Variants in SMOC2 observed in about 807,000 individuals in gnomAD.
SMOC2 encodes SPARC related modular calcium binding 2, also known as SPARC-related modular calcium-binding protein 2.
SMOC2 carries 39 observed loss-of-function variants against 61.4 expected under a neutral mutation model. The ratio of observed to expected loss-of-function variants is 0.64; its 90% CI spans 0.49 to 0.83. SMOC2 has a LOEUF of 0.83. SMOC2 is among the 40% of genes least tolerant of loss of function. SMOC2 has a pLI of 0.00. For missense variants in SMOC2, 556 were observed against 592.9 expected (o/e 0.94, Z 0.65); for synonymous variants, 247 against 239.9 (o/e 1.03, Z -0.27).
intron 1 of SMOC2, among the ~76,000 whole-genome samples, chr6:168,500,631 C>G (rs1013345899): frequency 2.0e-5 from 3 of 152,166 alleles, no homozygotes; most frequent in Non-Finnish European, 4.4e-5. Context: ...GAAGACAACA[C>G]TCTTCACTGA....
At chr6:168,484,691 C>G (rs1782288974) in intron 1 of SMOC2, among the ~76,000 whole-genome samples, 1 of 152,124 alleles carries the variant, frequency 6.6e-6, no homozygotes, top group Non-Finnish European at 1.5e-5. Context: ...GGAAGTAACC[C>G]AAGAGGCCAC....
rs549069122 is a variant in SMOC2, at chr6:168,467,940, T to G, written c.84+26486T>G. Among the ~76,000 whole-genome samples, 14 of 152,364 alleles carry G rather than the reference T, an allele frequency of 9.2e-5. 1 individual carries two copies. In the South Asian group the frequency reaches 1.2e-3, roughly 14 times the overall value. On this transcript the variant is annotated intron_variant, in intron 1 of 12. Coordinates refer to ENST00000356284, the MANE Select transcript of SMOC2 (RefSeq NM_001166412.2). The stretch of plus-strand genomic sequence containing the variant: ...GGATTTACAATATATGTACATATTG[T>G]ATAGTTTTGTATACTATAAAACTGT...
chr6:168,565,698 T>C (rs566571979), intron 7 of SMOC2, among the ~76,000 whole-genome samples: 1 of 152,332 alleles, frequency 6.6e-6, no homozygotes, highest in South Asian at 2.1e-4. Context: ...AGGCTCAGCA[T>C]GGAGCTGAAA....
intron 11 of SMOC2, among the ~76,000 whole-genome samples, chr6:168,661,153 A>T (rs1217074388): frequency 6.6e-6 from 1 of 151,934 alleles, no homozygotes. Context: ...ATTATCAGTT[A>T]TATGTTTTGT....
At chr6:168,494,622 G>C (rs937232381) in intron 1 of SMOC2, among the ~76,000 whole-genome samples, 1 of 152,214 alleles carries the variant, frequency 6.6e-6, no homozygotes, top group African/African-American at 2.4e-5. Flanking sequence ...TTTGACTTAC[G>C]CTGCTTAGAG....
intron 2 of SMOC2, among the ~76,000 whole-genome samples, chr6:168,518,439 C>A (rs929422503): frequency 1.4e-4 from 20 of 147,454 alleles, no homozygotes; most frequent in African/African-American, 5.0e-4. Flanking sequence ...GCATGTGTGA[C>A]TGTGAATGTG....
chr6:168,513,502 CAT>C (rs1554285953), intron 2 of SMOC2, among the ~76,000 whole-genome samples: 5 of 151,410 alleles, frequency 3.3e-5, no homozygotes, highest in African/African-American at 4.9e-5. Context: ...CACACACACA[CAT>C]AGACACTCAC....
In SMOC2 at chr6:168,587,194, T is replaced by G. The variant is rs1023268492; in HGVS notation, c.638-11624T>G. Among the ~76,000 whole-genome samples the G allele has an allele frequency of 5.3e-5, 8 of 152,348 alleles. No individual in the cohort carries two copies. In the East Asian group the frequency reaches 1.5e-3, roughly 29 times the overall value. On this transcript the variant is annotated intron_variant, in intron 7 of 12. Coordinates refer to ENST00000356284, the MANE Select transcript of SMOC2 (RefSeq NM_001166412.2). ...GTAGTATTTTAAATAGTCCCTTCAA[T>G]TTTGCAAAATGCTTTATCTTTCTTT...
intron 11 of SMOC2, among the ~76,000 whole-genome samples, chr6:168,663,300 G>T (rs1002801393): frequency 6.6e-6 from 1 of 151,628 alleles, no homozygotes; most frequent in Non-Finnish European, 1.5e-5. Context: ...GCCAGGAGAC[G>T]GACAGCACAG....
intron 1 of SMOC2, among the ~76,000 whole-genome samples, chr6:168,472,952 G>A (rs984381243): frequency 3.3e-5 from 5 of 152,004 alleles, no homozygotes; most frequent in African/African-American, 1.2e-4. Flanking sequence ...TGATGGATGC[G>A]TCTGTGATGC....
chr6:168,581,696 C>T (rs1171088387), intron 7 of SMOC2, among the ~76,000 whole-genome samples: 1 of 152,232 alleles, frequency 6.6e-6, no homozygotes, highest in Non-Finnish European at 1.5e-5. Context: ...CCTGTAGACA[C>T]ACAAGCTCAA....
chr6:168,625,673 G>C (rs1408569052), intron 9 of SMOC2, among the ~76,000 whole-genome samples: 1 of 152,184 alleles, frequency 6.6e-6, no homozygotes, highest in Non-Finnish European at 1.5e-5. Flanking sequence ...CTTCGAGGGC[G>C]TATACACAGC....
chr6:168,513,015 TTCTATAAAATG>T, intron 2 of SMOC2, among the ~76,000 whole-genome samples: 1 of 27,962 alleles, frequency 3.6e-5, no homozygotes, highest in Non-Finnish European at 1.8e-4. Flanking sequence ...TGAAATATCT[TTCTATAAAATG>T]TCCATAAAAG....
chr6:168,468,327 C>T (rs1781889996), intron 1 of SMOC2, among the ~76,000 whole-genome samples: 2 of 152,198 alleles, frequency 1.3e-5, no homozygotes, highest in Admixed American at 1.3e-4. Flanking sequence ...AGCACATGTT[C>T]TAAAGTGTTG....
rs1173691132 is a variant in SMOC2, at chr6:168,548,840, TGG to T, written c.563-287_563-286del. Among the ~76,000 whole-genome samples, 4 of 152,374 alleles carry T rather than the reference TGG, an allele frequency of 2.6e-5. No individual in the cohort carries two copies. The East Asian group carries it at 7.7e-4, about 29-fold the overall frequency. On this transcript the variant is annotated intron_variant, in intron 6 of 12. Transcript: ENST00000356284. ...TACACAAGAATATATTTTTGTACAC[TGG>T]GTATTTTTCTAAAATCTGATTCTTT...
At chr6:168,548,374 G>T (rs1784056225) in intron 6 of SMOC2, among the ~76,000 whole-genome samples, 1 of 136,708 alleles carries the variant, frequency 7.3e-6, no homozygotes, top group Non-Finnish European at 1.5e-5. Context: ...TTTTTTGTGA[G>T]ACAGAGTTTT....
intron 7 of SMOC2, among the ~76,000 whole-genome samples, chr6:168,560,462 A>G: frequency 6.6e-6 from 1 of 152,244 alleles, no homozygotes; most frequent in Non-Finnish European, 1.5e-5. Context: ...CAATAACTGA[A>G]GAAGAATGCG....
At chr6:168,604,786 C>T (rs1272275908) in intron 8 of SMOC2, among the ~76,000 whole-genome samples, 2 of 152,210 alleles carry the variant, frequency 1.3e-5, no homozygotes, top group African/African-American at 4.8e-5. Flanking sequence ...TTGTGGCAGA[C>T]TCATCCCAAG....
intron 1 of SMOC2, among the ~76,000 whole-genome samples, chr6:168,504,039 G>A (rs888694265): frequency 6.6e-6 from 1 of 152,072 alleles, no homozygotes; most frequent in Non-Finnish European, 1.5e-5. Context: ...TGGCCACCAC[G>A]ATGACACACG....
Sources: allele counts gnomAD v4.1 joint callset (sites outside exome capture counted in the v4.1 genomes callset), GRCh38; gene constraint gnomAD v4.1.1; transcripts MANE v1.5; gene names NCBI Gene and HGNC (gene_info 2026-07-23, HGNC 2026-07-21).